NPR3: variants seen among roughly 807,000 people sequenced by gnomAD.
NPR3 encodes natriuretic peptide receptor 3, also known as atrial natriuretic peptide receptor 3.
A neutral mutation model predicts 54.5 loss-of-function variants in NPR3; 34 were observed. That is an observed-to-expected ratio of 0.62 (90% CI 0.47 to 0.83). NPR3 has a LOEUF of 0.83. Ranked by LOEUF, NPR3 falls within the 40% of genes least tolerant of loss-of-function variation. The pLI, the probability that NPR3 is intolerant of heterozygous loss-of-function variation, is 0.00. For missense variants in NPR3, 674 were observed against 720.8 expected (o/e 0.94, Z 0.74); for synonymous variants, 289 against 297.1 (o/e 0.97, Z 0.28).
intron 3 of NPR3, among the ~76,000 whole-genome samples, chr5:32,752,397 G>A (rs1192866240): frequency 6.6e-6 from 1 of 152,134 alleles, no homozygotes; most frequent in East Asian, 1.9e-4. Flanking sequence ...AATTGGAATT[G>A]TATACTCCTA....
intron 2 of NPR3, among the ~76,000 whole-genome samples, chr5:32,728,651 T>A (rs1265794528): frequency 6.6e-6 from 1 of 151,470 alleles, no homozygotes; most frequent in East Asian, 1.9e-4. Flanking sequence ...GCACCTAACT[T>A]CTTTCTGGAG....
chr5:32,784,662 C>T (rs1742514332), intron 6 of NPR3, 134 bp from the exon 7 acceptor site: 3 of 672,894 alleles, frequency 4.5e-6, no homozygotes, highest in Middle Eastern at 2.5e-4. Flanking sequence ...TGTAGGGTCC[C>T]TTAGAAAATA....
chr5:32,735,350 C>T (rs1739673716), intron 2 of NPR3, among the ~76,000 whole-genome samples: 1 of 152,122 alleles, frequency 6.6e-6, no homozygotes, highest in Non-Finnish European at 1.5e-5. Flanking sequence ...CCCTCACTCC[C>T]TTACTGTTGT....
intron 3 of NPR3, among the ~76,000 whole-genome samples, chr5:32,749,631 C>T (rs905493513): frequency 2.0e-5 from 3 of 152,194 alleles, no homozygotes; most frequent in South Asian, 2.1e-4. Flanking sequence ...AAATTCCCCT[C>T]CAAATTCCTT....
At chr5:32,699,697 C>G (rs1391744132) in intron 1 of NPR3, among the ~76,000 whole-genome samples, 2 of 152,148 alleles carry the variant, frequency 1.3e-5, no homozygotes, top group Non-Finnish European at 2.9e-5. Context: ...ATGTTGTTGT[C>G]ATTCTACTCG....
intron 1 of NPR3, among the ~76,000 whole-genome samples, chr5:32,692,862 G>A (rs1032391039): frequency 7.2e-5 from 11 of 152,124 alleles, no homozygotes; most frequent in Admixed American, 3.3e-4. Context: ...GGCTCACGCC[G>A]GTAATCCTAG....
chr5:32,786,012 G>A (rs1186216125), intron 7 of NPR3, among the ~76,000 whole-genome samples: 2 of 152,216 alleles, frequency 1.3e-5, no homozygotes, highest in East Asian at 1.9e-4. Context: ...AGAAGGGGAA[G>A]GCTTGTTCTG....
At position 32,787,391 on chromosome 5, in the gene NPR3, C is replaced by A. The variant is rs1488118406; in HGVS notation, c.*1046C>A. Reference sequence around the variant, plus strand: ...AGGGTGACACTCCTTCCAGTTCTGGCCAGATCATGAGTTTCAAGATCAAGA... The same window carrying A: ...AGGGTGACACTCCTTCCAGTTCTGGACAGATCATGAGTTTCAAGATCAAGA... On this transcript the variant is annotated 3_prime_UTR_variant, in exon 8 of 8. Coordinates refer to ENST00000265074, the MANE Select transcript of NPR3 (RefSeq NM_001204375.2). 1 of 152,160 alleles carries A rather than the reference C, an allele frequency of 6.6e-6. No individual in the cohort carries two copies. Among genetic ancestry groups the A allele is most frequent in the Non-Finnish European group, 1.5e-5 (1 of 68,032 alleles). 9.4% of individuals were successfully genotyped at this position (152,160 alleles called of 1,614,324 possible). A position where few individuals can be genotyped will look rare whatever the true frequency, so the allele number is the denominator to read the frequency against.
At position 32,788,124 on chromosome 5, in the gene NPR3, T is replaced by C. The variant is rs918068137; in HGVS notation, c.*1779T>C. The C allele has an allele frequency of 6.6e-6, 1 of 152,206 alleles. No homozygotes were observed. The highest frequency in any genetic ancestry group is 1.5e-5 in the Non-Finnish European group (1 of 68,048). The allele number at this position is 152,206 out of a possible 1,614,324, so 9.4% of individuals were successfully genotyped here. A position where few individuals can be genotyped will look rare whatever the true frequency, so the allele number is the denominator to read the frequency against. On this transcript the variant is annotated 3_prime_UTR_variant, in exon 8 of 8. Coordinates refer to ENST00000265074, the MANE Select transcript of NPR3 (RefSeq NM_001204375.2). ...AGTCACAGTTAACAGATTATTTCTG[T>C]GTGAGGCACATTTCCCTTCTGTTGT...
intron 1 of NPR3, among the ~76,000 whole-genome samples, chr5:32,695,317 T>G (rs1186937772): frequency 6.6e-6 from 1 of 152,174 alleles, no homozygotes; most frequent in Non-Finnish European, 1.5e-5. Flanking sequence ...CAGGCTGGAG[T>G]GCAGTGGCAC....
Position 32,787,175 on chromosome 5 carries a change from C to T in NPR3, c.*830C>T, listed in dbSNP as rs1742681799. 6.6e-6 allele frequency: 1 copy of T among 152,524 alleles called. No individual in the cohort carries two copies. Among genetic ancestry groups the T allele is most frequent in the African/African-American group, 2.4e-5 (1 of 41,406 alleles). 9.4% of individuals were successfully genotyped at this position (152,524 alleles called of 1,614,324 possible). A position where few individuals can be genotyped will look rare whatever the true frequency, so the allele number is the denominator to read the frequency against. ...AGCATGGGTGAAGTGTACAACAAAC[C>T]AATAATGATAAAAAATACTTCTCTT... On this transcript the variant is annotated 3_prime_UTR_variant, in exon 8 of 8. Coordinates refer to ENST00000265074, the MANE Select transcript of NPR3 (RefSeq NM_001204375.2).
chr5:32,752,793 A>G (rs959559852), intron 3 of NPR3, among the ~76,000 whole-genome samples: 3 of 152,236 alleles, frequency 2.0e-5, no homozygotes, highest in Non-Finnish European at 4.4e-5. Context: ...ATTAAAAGCC[A>G]TTCATTTTCT....
At chr5:32,692,344 TCTTA>T (rs1740413913) in intron 1 of NPR3, among the ~76,000 whole-genome samples, 1 of 152,170 alleles carries the variant, frequency 6.6e-6, no homozygotes, top group African/African-American at 2.4e-5. Context: ...TTAAAATAGC[TCTTA>T]CTATTTCTCC....
intron 2 of NPR3, among the ~76,000 whole-genome samples, chr5:32,735,045 T>G (rs1258326398): frequency 6.6e-6 from 1 of 152,196 alleles, no homozygotes; most frequent in Non-Finnish European, 1.5e-5. Flanking sequence ...GCACTGTATT[T>G]CATGTCTGGC....
intron 4 of NPR3, among the ~76,000 whole-genome samples, chr5:32,777,190 G>A (rs968880673): frequency 6.6e-6 from 1 of 152,214 alleles, no homozygotes; most frequent in Non-Finnish European, 1.5e-5. Context: ...AGTCACCTGA[G>A]GCTTTTGAGT....
intron 3 of NPR3, among the ~76,000 whole-genome samples, chr5:32,761,794 A>AT (rs200968426): frequency 0.029 from 4,260 of 148,144 alleles, 75 homozygotes; most frequent in Middle Eastern, 0.09. Flanking sequence ...CAAAAATATA[A>AT]TTTTTTTTTT....
intron 4 of NPR3, among the ~76,000 whole-genome samples, chr5:32,775,625 CT>C (rs1742005739): frequency 1.3e-5 from 2 of 150,980 alleles, no homozygotes; most frequent in African/African-American, 2.4e-5. Context: ...GAGATGGAGT[CT>C]CGCTCTTGTC....
In NPR3 at chr5:32,728,829, GTGTGTGTGTATATATATATATA is replaced by G. The variant is rs1238354598; in HGVS notation, c.892+4011_892+4032del. On this transcript the variant is annotated intron_variant, in intron 2 of 7. Transcript: ENST00000265074. ...TTTTGGAATATTTGTGTGTGTGTGT[GTGTGTGTGTATATATATATATA>G]TATATATATATATATATATATATAT... Among the ~76,000 whole-genome samples the G allele has an allele frequency of 6.7e-4, 51 of 76,196 alleles. 1 individual carries two copies. Among genetic ancestry groups the G allele is most frequent in the Admixed American group, 2.1e-3 (15 of 7,118 alleles). 50.0% of individuals were successfully genotyped at this position (76,196 alleles called of 152,430 possible). A position where few individuals can be genotyped will look rare whatever the true frequency, so the allele number is the denominator to read the frequency against.
At chr5:32,721,820 G>A (rs1561083912) in intron 1 of NPR3, among the ~76,000 whole-genome samples, 1 of 152,178 alleles carries the variant, frequency 6.6e-6, no homozygotes, top group Non-Finnish European at 1.5e-5. Flanking sequence ...TGGTTCTAGA[G>A]GCTAGGAAGT....
Sources: gnomAD v4.1 joint callset for allele counts (sites outside exome capture counted in the v4.1 genomes callset) on GRCh38, gnomAD v4.1.1 for gene constraint, MANE v1.5 for transcripts, NCBI Gene and HGNC (gene_info 2026-07-23, HGNC 2026-07-21) for gene names.